FTCDNL1: variants seen among roughly 807,000 people sequenced by gnomAD.
The protein encoded by FTCDNL1 is formiminotransferase N-terminal subdomain-containing protein.
A neutral mutation model predicts 5.9 loss-of-function variants in FTCDNL1; 11 were observed. The ratio of observed to expected loss-of-function variants is 1.87; its 90% CI spans 1.18 to 3.10. The LOEUF (loss-of-function observed/expected upper bound fraction) is 3.10, where lower values mean the gene tolerates loss of function less well. Among genes scored for constraint, FTCDNL1 ranks in the 30% most tolerant of loss-of-function variants. The pLI is 0.00. For synonymous variants in FTCDNL1, 58 were observed against 24.8 expected, an observed-to-expected ratio of 2.34 and a Z score of -3.99; for missense variants, 115 against 65.5, an observed-to-expected ratio of 1.76 and a Z score of -2.61.
At position 199,782,796 on chromosome 2, in the gene FTCDNL1, A is replaced by C. The variant is rs558457942; in HGVS notation, c.212-21961T>G. 2.0e-5 allele frequency among the ~76,000 whole-genome samples: 3 copies of C among 152,220 alleles called. No individual in the cohort carries two copies. The East Asian group carries it at 5.8e-4, about 29-fold the overall frequency. Reference sequence around the variant, plus strand: ...GGACTTGCTCTTCCATCATTGTTTCATAACTGTATACTATAGTCATTCACG... The same window carrying C: ...GGACTTGCTCTTCCATCATTGTTTCCTAACTGTATACTATAGTCATTCACG... On this transcript the variant is annotated intron_variant, in intron 3 of 3. Coordinates refer to the FTCDNL1 transcript ENST00000416668.
the FTCDNL1 span, among the ~76,000 whole-genome samples, chr2:199,679,755 T>A: frequency 6.6e-6 from 1 of 152,248 alleles, no homozygotes; most frequent in African/African-American, 2.4e-5. Context: ...AGATTAGGAA[T>A]TTGGTATGTT....
At chr2:199,819,141 C>T (rs565711520) in intron 4 of FTCDNL1, 3 of 157,734 alleles carry the variant, frequency 1.9e-5, no homozygotes, top group Non-Finnish European at 2.8e-5. Context: ...CTTGGCTACA[C>T]TGATGTTTAA....
At chr2:199,698,862 A>G in the FTCDNL1 span, among the ~76,000 whole-genome samples, 2 of 152,278 alleles carry the variant, frequency 1.3e-5, no homozygotes, top group South Asian at 4.1e-4. Flanking sequence ...AATGAGATTG[A>G]TAGACTGCTA....
the FTCDNL1 span, among the ~76,000 whole-genome samples, chr2:199,724,708 A>T: frequency 6.6e-6 from 1 of 151,936 alleles, no homozygotes; most frequent in Non-Finnish European, 1.5e-5. Context: ...TGAGTTTTTA[A>T]ATCTTGAGTT....
At chr2:199,785,007 A>C (rs11673846) in intron 3 of FTCDNL1, among the ~76,000 whole-genome samples, 68,267 of 151,950 alleles carry the variant, frequency 0.45, 17,494 homozygotes, top group Non-Finnish European at 0.56. Context: ...ACAGTATTTA[A>C]TTCTATTCCC....
At chr2:199,844,816 T>C (rs1331885463) in intron 3 of FTCDNL1, among the ~76,000 whole-genome samples, 2 of 152,220 alleles carry the variant, frequency 1.3e-5, no homozygotes, top group African/African-American at 2.4e-5. Flanking sequence ...TTGTTTACTT[T>C]AAATTTTTTC....
exon 4 of FTCDNL1, chr2:199,760,642 C>T: frequency 7.4e-6 from 4 of 539,376 alleles, no homozygotes; most frequent in South Asian, 2.7e-5. Flanking sequence ...TGCAATATAC[C>T]CTCTATTTAG....
intron 3 of FTCDNL1, among the ~76,000 whole-genome samples, chr2:199,822,491 T>G (rs1440156364): frequency 1.3e-5 from 2 of 152,342 alleles, no homozygotes; most frequent in East Asian, 3.9e-4. Flanking sequence ...GGCCTTCATC[T>G]TGATTGCTGC....
chr2:199,782,426 C>G (rs914806609), intron 3 of FTCDNL1, among the ~76,000 whole-genome samples: 12 of 152,280 alleles, frequency 7.9e-5, no homozygotes, highest in African/African-American at 2.9e-4. Context: ...TTCCATCACC[C>G]CACTATGTTC....
chr2:199,681,187 C>T, the FTCDNL1 span, among the ~76,000 whole-genome samples: 1 of 151,598 alleles, frequency 6.6e-6, no homozygotes, highest in Non-Finnish European at 1.5e-5. Context: ...GGCGTGGTGG[C>T]TCACACCTGT....
the FTCDNL1 span, among the ~76,000 whole-genome samples, chr2:199,745,562 C>A: frequency 6.6e-6 from 1 of 152,154 alleles, no homozygotes; most frequent in African/African-American, 2.4e-5. Context: ...CATCTCCATG[C>A]CAGGGAGAAG....
chr2:199,786,873 C>T (rs937918446), intron 3 of FTCDNL1, among the ~76,000 whole-genome samples: 1 of 152,186 alleles, frequency 6.6e-6, no homozygotes, highest in Non-Finnish European at 1.5e-5. Context: ...TGAAGTGGGT[C>T]TCATTGGGTG....
the FTCDNL1 span, among the ~76,000 whole-genome samples, chr2:199,754,813 G>T: frequency 5.3e-5 from 8 of 152,152 alleles, no homozygotes; most frequent in Non-Finnish European, 1.2e-4. Flanking sequence ...TTCTGTAGCT[G>T]CTTCCTTAGT....
chr2:199,798,000 T>C (rs1700254800), intron 3 of FTCDNL1, among the ~76,000 whole-genome samples: 2 of 152,134 alleles, frequency 1.3e-5, no homozygotes, highest in African/African-American at 2.4e-5. Flanking sequence ...GTAAGTCAGG[T>C]GTTTGCATTC....
Position 199,816,823 on chromosome 2 carries a change from G to A in FTCDNL1, c.397+2749C>T, listed in dbSNP as rs142598044. Among the ~76,000 whole-genome samples the A allele has an allele frequency of 2.4e-3, 369 of 152,256 alleles. 5 individuals are homozygous for A. The highest frequency in any genetic ancestry group is 8.4e-3 in the African/African-American group (350 of 41,550). ...GTCCTGTTCAATATTTATTTTGGCT[G>A]TAGCACTTGTTATTTTCTAATGTAC... On this transcript the variant is annotated intron_variant, in intron 4 of 4. Coordinates refer to ENST00000420128, the MANE Select transcript of FTCDNL1 (RefSeq NM_001363886.2).
intron 3 of FTCDNL1, among the ~76,000 whole-genome samples, chr2:199,770,595 C>T (rs1375440331): frequency 6.6e-6 from 1 of 152,104 alleles, no homozygotes; most frequent in Non-Finnish European, 1.5e-5. Context: ...TTCCTGAGCC[C>T]CCCAGGGCTG....
the FTCDNL1 span, among the ~76,000 whole-genome samples, chr2:199,751,909 G>C: frequency 6.6e-6 from 1 of 151,876 alleles, no homozygotes; most frequent in Non-Finnish European, 1.5e-5. Context: ...ATTAGTCTTG[G>C]GGGGCCAGTT....
intron 3 of FTCDNL1, among the ~76,000 whole-genome samples, chr2:199,836,041 T>C (rs1702714103): frequency 6.6e-6 from 1 of 152,176 alleles, no homozygotes; most frequent in African/African-American, 2.4e-5. Flanking sequence ...AACTGTGGCT[T>C]CTAGATTGGG....
chr2:199,703,879 G>A, the FTCDNL1 span, among the ~76,000 whole-genome samples: 1 of 152,206 alleles, frequency 6.6e-6, no homozygotes, highest in Non-Finnish European at 1.5e-5. Flanking sequence ...ATAAAAATGA[G>A]CTAAAATGAT....
Sources: allele counts gnomAD v4.1 joint callset (sites outside exome capture counted in the v4.1 genomes callset), GRCh38; gene constraint gnomAD v4.1.1; transcripts MANE v1.5; gene names NCBI Gene and HGNC (gene_info 2026-07-23, HGNC 2026-07-21).